The following PHF20L1 variants were observed in gnomAD, a reference collection of about 807,000 sequenced individuals.
The protein encoded by PHF20L1 is PHD finger protein 20-like protein 1.
In PHF20L1, 44 loss-of-function variants were observed where a neutral mutation model predicts 125.5. The ratio of observed to expected loss-of-function variants is 0.35; its 90% CI spans 0.28 to 0.45. The LOEUF (loss-of-function observed/expected upper bound fraction) is 0.45. Ranked by LOEUF, PHF20L1 falls within the 20% of genes least tolerant of loss-of-function variation. The pLI, the probability that PHF20L1 is intolerant of heterozygous loss-of-function variation, is 1.00. For missense variants in PHF20L1, 1,012 were observed against 1,217.2 expected, an observed-to-expected ratio of 0.83 and a Z score of 2.51; for synonymous variants, 380 against 403.1, an observed-to-expected ratio of 0.94 and a Z score of 0.69.
chr8:132,779,509 TGA>T (rs1830194918), intron 2 of PHF20L1, among the ~76,000 whole-genome samples: 1 of 152,190 alleles, frequency 6.6e-6, no homozygotes, highest in Non-Finnish European at 1.5e-5. Flanking sequence ...TACTCTTAAG[TGA>T]TTTATTTATT....
intron 14 of PHF20L1, among the ~76,000 whole-genome samples, chr8:132,829,771 C>G (rs1310139937): frequency 6.6e-6 from 1 of 152,028 alleles, no homozygotes; most frequent in African/African-American, 2.4e-5. Flanking sequence ...GTTGGCTTTG[C>G]TATTGATAGT....
chr8:132,843,433 C>G (rs1459580709), intron 19 of PHF20L1: 6 of 979,776 alleles, frequency 6.1e-6, no homozygotes, highest in Admixed American at 6.2e-5. Context: ...AATGAGGCCA[C>G]TTTAAAATTA....
intron 8 of PHF20L1, among the ~76,000 whole-genome samples, chr8:132,806,044 G>C (rs1451886771): frequency 6.6e-6 from 1 of 151,948 alleles, no homozygotes; most frequent in African/African-American, 2.4e-5. Context: ...AAGTGGAATA[G>C]TATTTCTAAC....
At position 132,847,632 on chromosome 8, in the gene PHF20L1, G is replaced by T. The variant is rs10079; in HGVS notation, c.*1709G>T. On this transcript the variant is annotated 3_prime_UTR_variant, in exon 21 of 21. Coordinates refer to ENST00000395386, the MANE Select transcript of PHF20L1 (RefSeq NM_016018.5). ...TTGCGGCCTTATATTTTGATGTAAA[G>T]ATTAAAAGAATGTGCAAAACAGTCA... is the stretch of plus-strand genomic sequence containing the variant. The T allele has an allele frequency of 0.26, 39,978 of 152,466 alleles. 6,440 individuals carry two copies. The highest frequency in any genetic ancestry group is 0.46 in the South Asian group (2,207 of 4,826). The allele number at this position is 152,466 out of a possible 1,614,324, so 9.4% of individuals were successfully genotyped here.
rs1217611981 is a variant in PHF20L1, at chr8:132,818,288, G to C, written c.1579+743G>C. 3 of 151,974 alleles carry C rather than the reference G, an allele frequency of 2.0e-5. No individual in the cohort carries two copies. In the East Asian group the frequency reaches 5.8e-4, roughly 29 times the overall value. 9.4% of individuals were successfully genotyped at this position (151,974 alleles called of 1,614,324 possible). A position where few individuals can be genotyped will look rare whatever the true frequency, so the allele number is the denominator to read the frequency against. On this transcript the variant is annotated intron_variant, in intron 12 of 20. Transcript: ENST00000395386. ...ACAAATGCACTTCTGGTAAATTACT[G>C]TTGGAACTAGATGTTTGAAGGAAGT...
intron 8 of PHF20L1, 46 bp downstream of exon 8, chr8:132,804,786 T>G: frequency 1.4e-6 from 2 of 1,478,512 alleles, no homozygotes; most frequent in Non-Finnish European, 1.9e-6. Flanking sequence ...ATGGAAGGTT[T>G]AATTTTAGAG....
chr8:132,799,131 A>G lies in PHF20L1; in HGVS notation c.466A>G (p.Ile156Val), dbSNP rs750152048. ...SQHPLSWCCP[I>V]DPAGSCNQSM... Reference sequence around the variant, plus strand: ...GCATCCACTAAGCTGGTGTTGTCCTATCGACCCAGCTGGATCGTGTAACCA... The same window carrying G: ...GCATCCACTAAGCTGGTGTTGTCCTGTCGACCCAGCTGGATCGTGTAACCA... Residue 156 changes from isoleucine to valine, a missense_variant, in exon 6 of 21, where the codon ATC becomes GTC. By Grantham distance (29) the Ile-to-Val change is conservative. Transcript: ENST00000395386. 27 of 1,610,232 alleles carry G rather than the reference A, an allele frequency of 1.7e-5. No individual in the cohort carries two copies. The highest frequency in any genetic ancestry group is 6.6e-5 in the South Asian group (6 of 90,700).
intron 2 of PHF20L1, among the ~76,000 whole-genome samples, 174 bp downstream of exon 2, chr8:132,778,085 A>G (rs1218048431): frequency 6.6e-6 from 1 of 152,182 alleles, no homozygotes; most frequent in African/African-American, 2.4e-5. Context: ...TAGGTTTAGC[A>G]TTTAAAAACT....
At chr8:132,787,011 T>G (rs1184401880) in intron 2 of PHF20L1, among the ~76,000 whole-genome samples, 1 of 151,896 alleles carries the variant, frequency 6.6e-6, no homozygotes, top group Non-Finnish European at 1.5e-5. Flanking sequence ...TGCAACCTGC[T>G]AGATTTTGAG....
At chr8:132,787,361 A>G (rs577732133) in intron 2 of PHF20L1, among the ~76,000 whole-genome samples, 1 of 152,230 alleles carries the variant, frequency 6.6e-6, no homozygotes, top group South Asian at 2.1e-4. Flanking sequence ...AAGAGAAGAC[A>G]TAGCTAATTC....
chr8:132,802,251 C>T (rs1464580238), intron 6 of PHF20L1, among the ~76,000 whole-genome samples: 3 of 151,406 alleles, frequency 2.0e-5, no homozygotes, highest in East Asian at 3.9e-4. Flanking sequence ...GCTCCTTGAA[C>T]CTTTCATCGC....
chr8:132,811,221 C>G, intron 9 of PHF20L1, 93 bp downstream of exon 9: 1 of 1,569,694 alleles, frequency 6.4e-7, no homozygotes, highest in Non-Finnish European at 8.6e-7. Context: ...CCCTTTTGAT[C>G]AGATATGGGA....
intron 8 of PHF20L1, chr8:132,809,882 G>A (rs921257378): frequency 1.3e-5 from 2 of 152,124 alleles, no homozygotes; most frequent in Non-Finnish European, 2.9e-5. Context: ...CCTTTTATGA[G>A]CAGGGTGGCC....
chr8:132,814,003 T>G (rs897214259), intron 9 of PHF20L1, among the ~76,000 whole-genome samples: 3 of 151,932 alleles, frequency 2.0e-5, no homozygotes, highest in African/African-American at 4.8e-5. Context: ...TGTTGTTGCT[T>G]GTTTTGTATT....
intron 18 of PHF20L1, 108 bp downstream of exon 18, chr8:132,839,690 A>T: frequency 2.8e-6 from 2 of 714,354 alleles, no homozygotes; most frequent in Non-Finnish European, 4.7e-6. Context: ...AGGAGAGAAC[A>T]GGTATTTGAA....
At chr8:132,797,518 C>T (rs1228306558) in intron 4 of PHF20L1, among the ~76,000 whole-genome samples, 1 of 151,856 alleles carries the variant, frequency 6.6e-6, no homozygotes, top group Non-Finnish European at 1.5e-5. Context: ...GCCTGGTGTG[C>T]AAGCTGAGTT....
chr8:132,790,753 A>C (rs1831594484), intron 2 of PHF20L1, among the ~76,000 whole-genome samples: 2 of 152,190 alleles, frequency 1.3e-5, no homozygotes, highest in South Asian at 4.1e-4. Flanking sequence ...ACATTGAGTA[A>C]ATGAGTTATG....
intron 13 of PHF20L1, chr8:132,825,057 A>C: frequency 1.4e-6 from 2 of 1,474,018 alleles, no homozygotes; most frequent in Non-Finnish European, 1.8e-6. Context: ...GGGATTTCTC[A>C]GCACTGCTAA....
intron 16 of PHF20L1, among the ~76,000 whole-genome samples, chr8:132,837,072 T>G (rs1243477504): frequency 6.6e-6 from 1 of 152,156 alleles, no homozygotes; most frequent in Non-Finnish European, 1.5e-5. Flanking sequence ...TAATTTATAG[T>G]CACCCTTCAC....
Sources: gnomAD v4.1 joint callset for allele counts (sites outside exome capture counted in the v4.1 genomes callset) on GRCh38, gnomAD v4.1.1 for gene constraint, MANE v1.5 for transcripts, NCBI Gene and HGNC (gene_info 2026-07-23, HGNC 2026-07-21) for gene names.